The following CSMD1 variants were observed in gnomAD, a reference collection of about 807,000 sequenced individuals.
CSMD1 encodes CUB and sushi domain-containing protein 1.
A neutral mutation model predicts 417.5 loss-of-function variants in CSMD1; 213 were observed. That is an observed-to-expected ratio of 0.51 (90% CI 0.46 to 0.57). The LOEUF (loss-of-function observed/expected upper bound fraction) is 0.57, where lower values mean the gene tolerates loss of function less well. Ranked by LOEUF, CSMD1 falls within the 20% of genes least tolerant of loss-of-function variation. CSMD1 has a pLI of 0.00. For synonymous variants in CSMD1, 2,862 were observed against 1,736.8 expected, an observed-to-expected ratio of 1.65 and a Z score of -16.11; for missense variants, 6,923 against 4,529.7, an observed-to-expected ratio of 1.53 and a Z score of -15.17.
At chr8:3,850,237 A>G (rs546059222) in intron 5 of CSMD1, among the ~76,000 whole-genome samples, 3 of 152,356 alleles carry the variant, frequency 2.0e-5, no homozygotes, top group African/African-American at 7.2e-5. Context: ...ACAAAAGAAT[A>G]AAAAACCAAT....
At chr8:4,128,807 G>T (rs985632368) in intron 3 of CSMD1, among the ~76,000 whole-genome samples, 13 of 152,098 alleles carry the variant, frequency 8.5e-5, no homozygotes, top group Non-Finnish European at 1.8e-4. Flanking sequence ...ATATCCTAGT[G>T]CAAGTAGGGT....
chr8:3,330,260 A>T (rs1038244064), intron 23 of CSMD1, among the ~76,000 whole-genome samples: 1 of 152,234 alleles, frequency 6.6e-6, no homozygotes, highest in Non-Finnish European at 1.5e-5. Flanking sequence ...TACTCAGAGG[A>T]ACATAAACTG....
intron 2 of CSMD1, among the ~76,000 whole-genome samples, chr8:4,513,771 T>A (rs1802954729): frequency 1.3e-5 from 2 of 152,218 alleles, no homozygotes; most frequent in African/African-American, 4.8e-5. Context: ...TCGATGAAAA[T>A]AATTATTCCT....
chr8:4,475,835 A>C (rs887362326), intron 2 of CSMD1, among the ~76,000 whole-genome samples: 2 of 151,772 alleles, frequency 1.3e-5, no homozygotes, highest in Non-Finnish European at 2.9e-5. Context: ...CTGGTCTCAA[A>C]CTCCTGACCT....
chr8:4,718,655 T>C (rs184859845), intron 1 of CSMD1, among the ~76,000 whole-genome samples: 1 of 152,088 alleles, frequency 6.6e-6, no homozygotes, highest in Non-Finnish European at 1.5e-5. Flanking sequence ...AAATCAATTT[T>C]TAAAAAATCT....
At chr8:3,617,405 G>C (rs1214841606) in intron 7 of CSMD1, among the ~76,000 whole-genome samples, 3 of 152,280 alleles carry the variant, frequency 2.0e-5, no homozygotes, top group South Asian at 4.1e-4. Context: ...TTATTGGATA[G>C]AGTAGCTCTC....
At chr8:2,989,381 G>C (rs75386812) in intron 54 of CSMD1, among the ~76,000 whole-genome samples, 2 of 152,102 alleles carry the variant, frequency 1.3e-5, no homozygotes, top group Non-Finnish European at 2.9e-5. Flanking sequence ...TGGAATAATA[G>C]AAAACTAAAG....
At chr8:4,403,143 C>T (rs1177025961) in intron 3 of CSMD1, among the ~76,000 whole-genome samples, 3 of 152,082 alleles carry the variant, frequency 2.0e-5, no homozygotes, top group Admixed American at 6.6e-5. Context: ...AATGTCCTCA[C>T]TTTTTAAAGC....
At chr8:4,208,940 G>T (rs1007309579) in intron 3 of CSMD1, among the ~76,000 whole-genome samples, 2 of 152,046 alleles carry the variant, frequency 1.3e-5, no homozygotes, top group East Asian at 1.9e-4. Flanking sequence ...ATAAAAACTT[G>T]ACCCTTTGCA....
At chr8:3,538,011 C>A (rs562615272) in intron 10 of CSMD1, among the ~76,000 whole-genome samples, 4 of 152,184 alleles carry the variant, frequency 2.6e-5, no homozygotes, top group Non-Finnish European at 5.9e-5. Flanking sequence ...AAAGGGCTTT[C>A]CTACAAGACT....
At chr8:3,980,899 C>T (rs548990573) in intron 5 of CSMD1, among the ~76,000 whole-genome samples, 2 of 152,160 alleles carry the variant, frequency 1.3e-5, no homozygotes, top group South Asian at 2.1e-4. Context: ...TATTTTCAGG[C>T]TAAAATTCAC....
chr8:2,977,790 G>T (rs1243278328), intron 55 of CSMD1, among the ~76,000 whole-genome samples: 1 of 152,094 alleles, frequency 6.6e-6, no homozygotes, highest in East Asian at 1.9e-4. Context: ...CTTCTCAAAA[G>T]AAGACATTTA....
intron 27 of CSMD1, among the ~76,000 whole-genome samples, chr8:3,225,169 T>C (rs1276621912): frequency 6.6e-6 from 1 of 152,018 alleles, no homozygotes; most frequent in Non-Finnish European, 1.5e-5. Context: ...GGAGTGCCTC[T>C]TTAAATACTT....
chr8:4,812,081 C>T (rs1041636965), intron 1 of CSMD1, among the ~76,000 whole-genome samples: 1 of 152,124 alleles, frequency 6.6e-6, no homozygotes, highest in Non-Finnish European at 1.5e-5. Context: ...TTGACATCAT[C>T]GAAAATTCCT....
intron 12 of CSMD1, among the ~76,000 whole-genome samples, chr8:3,463,118 A>G (rs895147066): frequency 2.6e-5 from 4 of 152,170 alleles, no homozygotes; most frequent in Non-Finnish European, 4.4e-5. Flanking sequence ...CATTGTCGCC[A>G]AGCCAACTCT....
intron 28 of CSMD1, among the ~76,000 whole-genome samples, chr8:3,223,323 T>A (rs924699758): frequency 2.0e-5 from 3 of 152,206 alleles, no homozygotes; most frequent in Admixed American, 6.5e-5. Context: ...ATAATGATAT[T>A]AGCAGTGCTA....
intron 3 of CSMD1, among the ~76,000 whole-genome samples, chr8:4,397,220 C>A (rs1285154964): frequency 1.3e-5 from 2 of 151,970 alleles, no homozygotes; most frequent in Non-Finnish European, 2.9e-5. Flanking sequence ...ACAAGAACAG[C>A]TCCCTTCTGT....
chr8:4,737,391 C>T (rs1297626908), intron 1 of CSMD1, among the ~76,000 whole-genome samples: 1 of 151,960 alleles, frequency 6.6e-6, no homozygotes, highest in Non-Finnish European at 1.5e-5. Flanking sequence ...CTAATGGGTA[C>T]TAGGTTTAAT....
At chr8:3,337,783 C>A (rs1324941015) in intron 23 of CSMD1, among the ~76,000 whole-genome samples, 1 of 152,134 alleles carries the variant, frequency 6.6e-6, no homozygotes, top group Non-Finnish European at 1.5e-5. Context: ...CTATAGGGAT[C>A]TGATTATTTT....
Sources: gnomAD v4.1 joint callset for allele counts (sites outside exome capture counted in the v4.1 genomes callset) on GRCh38, gnomAD v4.1.1 for gene constraint, MANE v1.5 for transcripts, NCBI Gene and HGNC (gene_info 2026-07-23, HGNC 2026-07-21) for gene names.